MCC: variants seen among roughly 807,000 people sequenced by gnomAD.
MCC encodes the protein MCC regulator of Wnt signaling pathway.
In MCC, 90 loss-of-function variants were observed where a neutral mutation model predicts 116.2. The observed-to-expected ratio is 0.77, with a 90% CI of 0.65 to 0.92. The LOEUF (loss-of-function observed/expected upper bound fraction) is 0.92, where lower values mean the gene tolerates loss of function less well. Among genes scored for constraint, MCC ranks in the 40% least tolerant of loss-of-function variants. MCC has a pLI of 0.00. For missense variants in MCC, 1,516 were observed against 1,312.2 expected (o/e 1.16, Z -2.40); for synonymous variants, 578 against 510.5 (o/e 1.13, Z -1.78).
In MCC at chr5:113,026,075, T is replaced by C. The variant is rs1750529342; in HGVS notation, c.*1227A>G. 1 of 152,246 alleles carries C rather than the reference T, an allele frequency of 6.6e-6. No homozygotes were observed. The highest frequency in any genetic ancestry group is 2.4e-5 in the African/African-American group (1 of 41,466). 9.4% of individuals were successfully genotyped at this position (152,246 alleles called of 1,614,324 possible). A position where few individuals can be genotyped will look rare whatever the true frequency, so the allele number is the denominator to read the frequency against. On this transcript the variant is annotated 3_prime_UTR_variant, in exon 19 of 19. Coordinates refer to ENST00000408903, the MANE Select transcript of MCC (RefSeq NM_001085377.2). ...CTGAAAAAGAATAATGAATTTGTTT[T>C]AAGATTGAAGACCTTCCTGAAATAA...
chr5:113,159,982 A>G (rs1344348727), intron 3 of MCC, among the ~76,000 whole-genome samples: 2 of 152,330 alleles, frequency 1.3e-5, no homozygotes, highest in Admixed American at 6.5e-5. Flanking sequence ...TTTACCTGAT[A>G]ATTTCATTGA....
intron 3 of MCC, among the ~76,000 whole-genome samples, chr5:113,268,744 TA>T (rs1215077507): frequency 1.3e-5 from 2 of 152,164 alleles, no homozygotes; most frequent in Non-Finnish European, 2.9e-5. Context: ...TGGATTTCTT[TA>T]AAATCATCCC....
intron 3 of MCC, among the ~76,000 whole-genome samples, chr5:113,186,258 G>T (rs1181900650): frequency 1.3e-5 from 2 of 152,190 alleles, no homozygotes; most frequent in African/African-American, 2.4e-5. Flanking sequence ...GGTGGCAGGG[G>T]ACGTGCCAGC....
intron 8 of MCC, among the ~76,000 whole-genome samples, chr5:113,088,491 A>G (rs1248258398): frequency 1.3e-5 from 2 of 151,436 alleles, no homozygotes; most frequent in African/African-American, 4.9e-5. Flanking sequence ...CTTTGTAGAT[A>G]TAACTAAATT....
intron 3 of MCC, among the ~76,000 whole-genome samples, chr5:113,187,246 T>A (rs1761937227): frequency 6.6e-6 from 1 of 152,206 alleles, no homozygotes; most frequent in African/African-American, 2.4e-5. Flanking sequence ...GCAGTTGGGA[T>A]TACAAGCATG....
intron 3 of MCC, among the ~76,000 whole-genome samples, chr5:113,326,554 A>T (rs764560056): frequency 4.6e-5 from 7 of 152,196 alleles, no homozygotes; most frequent in Non-Finnish European, 1.0e-4. Context: ...TTACTTTATC[A>T]CTTACCAAAA....
At chr5:113,065,451 T>C (rs1306285593) in intron 13 of MCC, among the ~76,000 whole-genome samples, 1 of 152,210 alleles carries the variant, frequency 6.6e-6, no homozygotes, top group Non-Finnish European at 1.5e-5. Context: ...CACAGATCCA[T>C]GCTTTTCCAA....
At chr5:113,071,298 T>A in intron 11 of MCC, 64 bp from the exon 12 acceptor site, 1 of 1,558,480 alleles carries the variant, frequency 6.4e-7, no homozygotes, top group South Asian at 1.2e-5. Flanking sequence ...ATTTCAGTTG[T>A]CTCATTTATA....
intron 5 of MCC, among the ~76,000 whole-genome samples, chr5:113,137,551 A>C: frequency 6.6e-6 from 1 of 152,146 alleles, no homozygotes; most frequent in Non-Finnish European, 1.5e-5. Flanking sequence ...CCACTCGATC[A>C]TGGTGAATGA....
At position 113,143,180 on chromosome 5, in the gene MCC, C is replaced by A. The variant is rs768482541; in HGVS notation, c.884+38G>T. The A allele has an allele frequency of 4.4e-5, 68 of 1,548,612 alleles. 2 individuals are homozygous for A. In the South Asian group the frequency reaches 7.6e-4, roughly 17 times the overall value. ...TTCAGCTCCAAGATGGAGGGTTTAG[C>A]AGAAGGGGCAGAGTAAAAGCCGAAT... On this transcript the variant is annotated intron_variant, in intron 5 of 18. Transcript: ENST00000408903.
chr5:113,034,560 G>C (rs752439252), intron 17 of MCC, among the ~76,000 whole-genome samples: 2 of 152,250 alleles, frequency 1.3e-5, no homozygotes, highest in Non-Finnish European at 2.9e-5. Context: ...CCTTTCAGAG[G>C]AGCTGTAATC....
intron 17 of MCC, among the ~76,000 whole-genome samples, chr5:113,034,932 G>C (rs1012162559): frequency 1.3e-5 from 2 of 152,080 alleles, no homozygotes; most frequent in African/African-American, 4.8e-5. Flanking sequence ...AAAATACTGG[G>C]TGTTGTTTAG....
intron 6 of MCC, among the ~76,000 whole-genome samples, chr5:113,114,432 C>A (rs2150264172): frequency 1.3e-5 from 2 of 152,298 alleles, no homozygotes; most frequent in South Asian, 4.1e-4. Flanking sequence ...TTGACAGGGA[C>A]AGGAGGCAGA....
At chr5:113,128,647 T>C (rs914167561) in intron 5 of MCC, among the ~76,000 whole-genome samples, 5 of 152,218 alleles carry the variant, frequency 3.3e-5, no homozygotes, top group Admixed American at 2.0e-4. Context: ...TAACAATCCA[T>C]TTTTGTCTTA....
chr5:113,035,200 T>A (rs997312264), intron 17 of MCC, among the ~76,000 whole-genome samples: 2 of 152,204 alleles, frequency 1.3e-5, no homozygotes, highest in Non-Finnish European at 2.9e-5. Context: ...TGGGCTCAGA[T>A]CTCTCTGCCT....
At chr5:113,190,908 G>A (rs1416557119) in intron 3 of MCC, among the ~76,000 whole-genome samples, 1 of 152,204 alleles carries the variant, frequency 6.6e-6, no homozygotes, top group Non-Finnish European at 1.5e-5. Context: ...ATGGCCATCT[G>A]CAGGACCAAG....
intron 13 of MCC, among the ~76,000 whole-genome samples, chr5:113,065,277 C>G (rs114684752): frequency 6.6e-6 from 1 of 152,144 alleles, no homozygotes; most frequent in East Asian, 1.9e-4. Flanking sequence ...CGGGGGAGGC[C>G]GTGCATGTTG....
intron 1 of MCC, among the ~76,000 whole-genome samples, chr5:113,399,586 A>C (rs1769625670): frequency 6.6e-6 from 1 of 152,202 alleles, no homozygotes; most frequent in Non-Finnish European, 1.5e-5. Context: ...TCCCCTCAGA[A>C]CATAAAAACA....
At chr5:113,112,081 C>T (rs1387638878) in intron 6 of MCC, among the ~76,000 whole-genome samples, 1 of 152,206 alleles carries the variant, frequency 6.6e-6, no homozygotes, top group Non-Finnish European at 1.5e-5. Context: ...CTGATTCCAA[C>T]CAAGCAGTCC....
Sources: allele counts gnomAD v4.1 joint callset (sites outside exome capture counted in the v4.1 genomes callset), GRCh38; gene constraint gnomAD v4.1.1; transcripts MANE v1.5; gene names NCBI Gene and HGNC (gene_info 2026-07-23, HGNC 2026-07-21).